YTHDC2: variants seen among roughly 807,000 people sequenced by gnomAD.
YTHDC2 encodes 3'-5' RNA helicase YTHDC2.
In YTHDC2, 45 loss-of-function variants were observed where a neutral mutation model predicts 174.9. The ratio of observed to expected loss-of-function variants is 0.26; its 90% CI spans 0.20 to 0.33. The LOEUF is 0.33. Among genes scored for constraint, YTHDC2 ranks in the 10% least tolerant of loss-of-function variants. The pLI is 1.00. For synonymous variants in YTHDC2, 657 were observed against 574.5 expected, an observed-to-expected ratio of 1.14 and a Z score of -2.05; for missense variants, 1,650 against 1,723.7, an observed-to-expected ratio of 0.96 and a Z score of 0.76.
chr5:113,531,304 C>T (rs1774645818), intron 4 of YTHDC2, among the ~76,000 whole-genome samples: 1 of 152,148 alleles, frequency 6.6e-6, no homozygotes. Flanking sequence ...GGGGCTGGGC[C>T]ACTCACAGAC....
intron 7 of YTHDC2, among the ~76,000 whole-genome samples, chr5:113,536,448 C>G (rs556353828): frequency 3.9e-5 from 6 of 152,314 alleles, no homozygotes; most frequent in African/African-American, 1.4e-4. Context: ...TGGCGTGAAC[C>G]CAGGAGGCGG....
chr5:113,579,021 T>C (rs1778235003), intron 23 of YTHDC2, among the ~76,000 whole-genome samples: 1 of 152,104 alleles, frequency 6.6e-6, no homozygotes, highest in South Asian at 2.1e-4. Context: ...TTTTGCTTTC[T>C]TCTTCCTTTA....
chr5:113,525,309 A>G (rs1774138038), intron 3 of YTHDC2, 132 bp downstream of exon 3: 2 of 852,484 alleles, frequency 2.3e-6, no homozygotes, highest in Non-Finnish European at 1.7e-6. Flanking sequence ...AGAAATGATT[A>G]AGAGTTGTAA....
At chr5:113,575,742 C>T (rs6594736) in intron 23 of YTHDC2, among the ~76,000 whole-genome samples, 94,302 of 151,980 alleles carry the variant, frequency 0.62, 31,806 homozygotes, top group African/African-American at 0.9. Context: ...AATGACATGA[C>T]GTGGTGTGTT....
chr5:113,558,186 T>C (rs1776738068), intron 17 of YTHDC2, among the ~76,000 whole-genome samples: 2 of 152,220 alleles, frequency 1.3e-5, no homozygotes, highest in Admixed American at 6.5e-5. Flanking sequence ...GAATTTAGTT[T>C]AGAGAATAGT....
chr5:113,553,081 T>TA (rs536698932), intron 12 of YTHDC2, 100 bp from the exon 13 acceptor site: 13,132 of 1,161,146 alleles, frequency 0.011, 97 homozygotes, highest in Non-Finnish European at 0.014. Context: ...AAGTGTCACT[T>TA]ACCTTACCTT....
At chr5:113,540,826 C>G in intron 8 of YTHDC2, 142 bp from the exon 9 acceptor site, 1 of 695,450 alleles carries the variant, frequency 1.4e-6, no homozygotes, top group East Asian at 2.9e-5. Flanking sequence ...ATTGAATATT[C>G]TTAATATATT....
At chr5:113,553,540 G>A (rs1325426551) in intron 13 of YTHDC2, 50 bp from the exon 14 acceptor site, 2 of 1,571,960 alleles carry the variant, frequency 1.3e-6, no homozygotes, top group Admixed American at 3.4e-5. Flanking sequence ...TCTGTTGATT[G>A]CCTCTGATTC....
intron 20 of YTHDC2, among the ~76,000 whole-genome samples, chr5:113,565,103 C>T (rs1223592289): frequency 2.0e-5 from 3 of 152,190 alleles, no homozygotes; most frequent in South Asian, 4.1e-4. Flanking sequence ...GTGTGAGCCA[C>T]CATGCCCAGC....
intron 26 of YTHDC2, among the ~76,000 whole-genome samples, chr5:113,590,538 C>T (rs936856972): frequency 3.3e-5 from 5 of 152,180 alleles, no homozygotes; most frequent in African/African-American, 1.2e-4. Context: ...CTTGTGGGAA[C>T]CCCTCTGTGT....
chr5:113,553,334 C>T lies in YTHDC2; in HGVS notation c.1842C>T (p.Tyr614=), dbSNP rs762876405. 4 of 1,605,016 alleles carry T rather than the reference C, an allele frequency of 2.5e-6. No individual in the cohort carries two copies. The African/African-American group carries it at 5.4e-5, about 22-fold the overall frequency. Residue 614 remains tyrosine, a synonymous_variant, in exon 13 of 30, where the codon TAC becomes TAT. Transcript: ENST00000161863. ...VDLDLIMHLL[Y]NICHSCDAGA... is the part of the protein sequence containing the mutation. ...TGGATTTGATCATGCATCTTCTATA[C>T]AATATCTGCCATAGTTGTGATGCTG...
At chr5:113,533,333 A>C (rs1431970067) in intron 5 of YTHDC2, among the ~76,000 whole-genome samples, 1 of 151,584 alleles carries the variant, frequency 6.6e-6, no homozygotes. Flanking sequence ...ACCTGCGGTC[A>C]GGAGTTCGAG....
chr5:113,554,813 G>T (rs980626630), intron 16 of YTHDC2, among the ~76,000 whole-genome samples: 2 of 151,296 alleles, frequency 1.3e-5, no homozygotes, highest in African/African-American at 2.4e-5. Flanking sequence ...CCTAACTTTT[G>T]GTAGATAACA....
chr5:113,514,843 G>C (rs917410386), intron 1 of YTHDC2, among the ~76,000 whole-genome samples: 1 of 152,118 alleles, frequency 6.6e-6, no homozygotes, highest in African/African-American at 2.4e-5. Context: ...AAAGACAATG[G>C]AGTTTCATGT....
Position 113,584,362 on chromosome 5 carries a change from A to C in YTHDC2, c.3708A>C (p.Gly1236=), listed in dbSNP as rs1426556394. The C allele has an allele frequency of 2.5e-6, 4 of 1,613,854 alleles. No individual in the cohort carries two copies. Among genetic ancestry groups the C allele is most frequent in the Non-Finnish European group, 3.4e-6 (4 of 1,179,848 alleles). Residue 1236 remains glycine (G), a synonymous_variant, in exon 26 of 30, where the codon GGA becomes GGC. Coordinates refer to ENST00000161863, the MANE Select transcript of YTHDC2 (RefSeq NM_022828.5). Reference sequence around the variant, plus strand: ...CACCTCAGAAGTACAAAGATAGAGGAATTTTACATCCTAAACGAGGTACTG... The same window carrying C: ...CACCTCAGAAGTACAAAGATAGAGGCATTTTACATCCTAAACGAGGTACTG... The part of the protein sequence containing the change: ...LHPPQKYKDR[G]ILHPKRGTED...
chr5:113,545,599 G>A (rs1775815707), intron 10 of YTHDC2, among the ~76,000 whole-genome samples: 2 of 152,068 alleles, frequency 1.3e-5, no homozygotes, highest in South Asian at 4.2e-4. Flanking sequence ...TGAAGAGCTG[G>A]CCAGGCTGGC....
chr5:113,578,181 C>CTGTG (rs145482719), intron 23 of YTHDC2, among the ~76,000 whole-genome samples: 2 of 150,130 alleles, frequency 1.3e-5, no homozygotes, highest in South Asian at 2.1e-4. Flanking sequence ...GTGTGTGTAT[C>CTGTG]TGTGTGTGTG....
chr5:113,586,635 C>T (rs1778694619), intron 26 of YTHDC2, among the ~76,000 whole-genome samples: 1 of 151,354 alleles, frequency 6.6e-6, no homozygotes, highest in Admixed American at 6.6e-5. Flanking sequence ...TTATAGTTGG[C>T]AATCTTACAT....
chr5:113,588,969 G>T (rs983033650), intron 26 of YTHDC2, among the ~76,000 whole-genome samples: 4 of 151,696 alleles, frequency 2.6e-5, no homozygotes, highest in Non-Finnish European at 1.5e-5. Context: ...ATGTTATATT[G>T]TTTTCATACA....
Sources: gnomAD v4.1 joint callset for allele counts (sites outside exome capture counted in the v4.1 genomes callset) on GRCh38, gnomAD v4.1.1 for gene constraint, MANE v1.5 for transcripts, NCBI Gene and HGNC (gene_info 2026-07-23, HGNC 2026-07-21) for gene names.